The following ARHGAP12 variants were observed in gnomAD, a reference collection of about 807,000 sequenced individuals.
ARHGAP12 encodes the protein rho GTPase-activating protein 12.
A neutral mutation model predicts 108.6 loss-of-function variants in ARHGAP12; 64 were observed. The observed-to-expected ratio is 0.59, with a 90% CI of 0.48 to 0.73. The LOEUF is 0.73. Among genes scored for constraint, ARHGAP12 ranks in the 30% least tolerant of loss-of-function variants. The pLI is 0.00. For synonymous variants in ARHGAP12, 312 were observed against 337.2 expected, an observed-to-expected ratio of 0.93 and a Z score of 0.82; for missense variants, 940 against 1,005.9, an observed-to-expected ratio of 0.93 and a Z score of 0.89.
At chr10:31,860,226 T>G (rs1309139140) in intron 4 of ARHGAP12, among the ~76,000 whole-genome samples, 1 of 152,234 alleles carries the variant, frequency 6.6e-6, no homozygotes, top group African/African-American at 2.4e-5. Flanking sequence ...AAAAAGCTTT[T>G]GGGAGTCTGC....
intron 3 of ARHGAP12, among the ~76,000 whole-genome samples, chr10:31,868,411 G>T (rs1269145124): frequency 6.6e-6 from 1 of 152,070 alleles, no homozygotes; most frequent in East Asian, 1.9e-4. Context: ...TAATGAGAAT[G>T]ATCACCTTTA....
chr10:31,867,800 C>G (rs1021417571), intron 3 of ARHGAP12, among the ~76,000 whole-genome samples: 1 of 151,954 alleles, frequency 6.6e-6, no homozygotes, highest in Admixed American at 6.6e-5. Context: ...TCAGAAACAA[C>G]CTAAACATTT....
chr10:31,834,678 C>T (rs920533412), intron 9 of ARHGAP12, among the ~76,000 whole-genome samples: 20 of 152,146 alleles, frequency 1.3e-4, no homozygotes, highest in Non-Finnish European at 1.9e-4. Flanking sequence ...CTGTTATGTT[C>T]ATCAATAACC....
intron 12 of ARHGAP12, among the ~76,000 whole-genome samples, chr10:31,818,908 G>T (rs1835308433): frequency 6.6e-6 from 1 of 152,010 alleles, no homozygotes; most frequent in African/African-American, 2.4e-5. Context: ...AAACTACAAG[G>T]CTAATTCAGG....
intron 15 of ARHGAP12, among the ~76,000 whole-genome samples, chr10:31,811,514 AAC>A (rs1211610996): frequency 4.0e-5 from 6 of 150,766 alleles, no homozygotes; most frequent in African/African-American, 1.5e-4. Flanking sequence ...ACAAATTAGC[AAC>A]AGTTTCTATT....
At chr10:31,916,149 G>A (rs1472046212) in intron 1 of ARHGAP12, among the ~76,000 whole-genome samples, 2 of 151,854 alleles carry the variant, frequency 1.3e-5, no homozygotes, top group East Asian at 3.9e-4. Context: ...ATCACCACAC[G>A]CCTCCATCCA....
chr10:31,827,760 C>T (rs1835671115), intron 10 of ARHGAP12, among the ~76,000 whole-genome samples: 1 of 150,842 alleles, frequency 6.6e-6, no homozygotes, highest in South Asian at 2.1e-4. Context: ...CACTGCACTC[C>T]AGCCTGGGTG....
In ARHGAP12 at chr10:31,854,497, T is replaced by C. The variant is rs185827736; in HGVS notation, c.949-291A>G. ...GGAGAGCTCGAATGTTACTTAGTGC[T>C]GCTTTCGTGCTGAAATCAAGTTTAA... On this transcript the variant is annotated intron_variant, in intron 4 of 19. Coordinates refer to ENST00000344936, the MANE Select transcript of ARHGAP12 (RefSeq NM_018287.7). Among the ~76,000 whole-genome samples, 41 of 152,294 alleles carry C rather than the reference T, an allele frequency of 2.7e-4. No homozygotes were observed. The East Asian group carries it at 7.7e-3, about 29-fold the overall frequency.
rs7099930 is a variant in ARHGAP12, at chr10:31,928,794, C to A, written c.-222G>T. 33,862 of 151,846 alleles carry A rather than the reference C, an allele frequency of 0.22. 4,153 individuals carry two copies. The highest frequency in any genetic ancestry group is 0.4 in the East Asian group (2,026 of 5,104). 9.4% of individuals were successfully genotyped at this position (151,846 alleles called of 1,614,324 possible). ...CACACGGCTACGGCCGCGGCCGGCCCGTCCCCGCAGGCTGGCCTCTGAGGG... is the reference window on the plus strand; with the variant it reads ...CACACGGCTACGGCCGCGGCCGGCCAGTCCCCGCAGGCTGGCCTCTGAGGG... On this transcript the variant is annotated 5_prime_UTR_variant, in exon 1 of 20. Coordinates refer to ENST00000344936, the MANE Select transcript of ARHGAP12 (RefSeq NM_018287.7).
At chr10:31,863,373 A>G (rs1837205987) in intron 3 of ARHGAP12, among the ~76,000 whole-genome samples, 1 of 152,202 alleles carries the variant, frequency 6.6e-6, no homozygotes, top group South Asian at 2.1e-4. Context: ...TTCAACCAAT[A>G]TTAAAGAAGT....
rs1839829532 is a variant in ARHGAP12, at chr10:31,921,859, G to C, written c.-111+6824C>G. Among the ~76,000 whole-genome samples the C allele has an allele frequency of 2.0e-5, 3 of 150,032 alleles. No individual in the cohort carries two copies. The South Asian group carries it at 6.3e-4, about 32-fold the overall frequency. On this transcript the variant is annotated intron_variant, in intron 1 of 19. Coordinates refer to ENST00000344936, the MANE Select transcript of ARHGAP12 (RefSeq NM_018287.7). ...ATAAAAAGAAAACAGAAAAATGTTA[G>C]AGAAAAATCAATGAAACCAGAGCCT...
At chr10:31,882,471 T>A (rs143492771) in intron 3 of ARHGAP12, among the ~76,000 whole-genome samples, 1 of 152,192 alleles carries the variant, frequency 6.6e-6, no homozygotes, top group South Asian at 2.1e-4. Flanking sequence ...TATGTTACTT[T>A]GCTAATGCTG....
chr10:31,815,356 A>G (rs1233060236), intron 13 of ARHGAP12, among the ~76,000 whole-genome samples: 1 of 152,158 alleles, frequency 6.6e-6, no homozygotes, highest in Non-Finnish European at 1.5e-5. Flanking sequence ...TGCTTCCTCT[A>G]CAGTGCTCTA....
At chr10:31,849,990 C>T (rs1402147420) in intron 6 of ARHGAP12, among the ~76,000 whole-genome samples, 1 of 152,086 alleles carries the variant, frequency 6.6e-6, no homozygotes, top group Admixed American at 6.5e-5. Flanking sequence ...GTTAAGACTC[C>T]AAATTATTCC....
rs114396639 is a variant in ARHGAP12, at chr10:31,883,869, G to A, written c.685-22211C>T. ...TGGAACTACAGGCACAAGCCCCAAT[G>A]CCCAGCTAATTTTTTTTGTATTTTT... On this transcript the variant is annotated intron_variant, in intron 3 of 19. Coordinates refer to ENST00000344936, the MANE Select transcript of ARHGAP12 (RefSeq NM_018287.7). Among the ~76,000 whole-genome samples, 1,089 of 151,866 alleles carry A rather than the reference G, an allele frequency of 7.2e-3. 11 individuals are homozygous for A. The highest frequency in any genetic ancestry group is 0.025 in the African/African-American group (1,046 of 41,390).
intron 12 of ARHGAP12, 63 bp downstream of exon 12, chr10:31,820,323 CA>C (rs1284942168): frequency 3.0e-6 from 4 of 1,334,126 alleles, no homozygotes; most frequent in Non-Finnish European, 3.1e-6. Flanking sequence ...CAAAATAGCT[CA>C]AAAAACAGAA....
At chr10:31,818,687 C>A (rs961538520) in intron 12 of ARHGAP12, among the ~76,000 whole-genome samples, 10 of 151,900 alleles carry the variant, frequency 6.6e-5, no homozygotes, top group African/African-American at 2.4e-4. Flanking sequence ...TAAAAAGGTA[C>A]CCTCAAAAAA....
intron 4 of ARHGAP12, among the ~76,000 whole-genome samples, chr10:31,855,274 A>G (rs1836847107): frequency 6.6e-6 from 1 of 152,226 alleles, no homozygotes; most frequent in Non-Finnish European, 1.5e-5. Context: ...GAGGCACCAT[A>G]ATATGACTAA....
chr10:31,882,907 C>T (rs563550498), intron 3 of ARHGAP12, among the ~76,000 whole-genome samples: 1 of 150,784 alleles, frequency 6.6e-6, no homozygotes, highest in Admixed American at 6.6e-5. Context: ...AAATGTAAAA[C>T]AGATACTAGA....
Sources: gnomAD v4.1 joint callset for allele counts (sites outside exome capture counted in the v4.1 genomes callset) on GRCh38, gnomAD v4.1.1 for gene constraint, MANE v1.5 for transcripts, NCBI Gene and HGNC (gene_info 2026-07-23, HGNC 2026-07-21) for gene names.